Variants in ABCB1 observed in about 807,000 individuals in gnomAD.
ABCB1 encodes ATP-dependent translocase ABCB1.
Under a neutral mutation model 142.0 loss-of-function variants are expected in ABCB1, and 69 were observed. The observed-to-expected ratio is 0.49, with a 90% CI of 0.40 to 0.59. The LOEUF is 0.59. Among genes scored for constraint, ABCB1 ranks in the 20% least tolerant of loss-of-function variants. The pLI is 0.00. For synonymous variants in ABCB1, 532 were observed against 539.2 expected (o/e 0.99, Z 0.18); for missense variants, 1,326 against 1,554.7 (o/e 0.85, Z 2.47).
chr7:87,585,568 T>A lies in ABCB1; in HGVS notation c.230A>T (p.Asp77Val). ...TAAATTTCCTGCATTTGCAAAGATA[T>A]CTGTCATTTCTCCAAACACCAGCAT... ...LMMLVFGEMT[D>V]IFANAGNLED... is the part of the protein sequence containing the mutation. The change falls in exon 4 of 28, where the codon GAT becomes GTT. Residue 77 changes from aspartate (D) to valine (V), a missense_variant. By Grantham distance (152) the Asp-to-Val change is radical (BLOSUM62 -3). Coordinates refer to ENST00000622132, the MANE Select transcript of ABCB1 (RefSeq NM_001348946.2). The A allele has an allele frequency of 3.1e-6, 5 of 1,613,994 alleles. No homozygotes were observed. The South Asian group carries it at 5.5e-5, about 18-fold the overall frequency.
intron 4 of ABCB1, among the ~76,000 whole-genome samples, chr7:87,580,216 T>C (rs1245908801): frequency 4.6e-5 from 7 of 152,224 alleles, no homozygotes; most frequent in Non-Finnish European, 1.0e-4. Flanking sequence ...CCCTTTAGCA[T>C]TTCTTGTCTA....
At chr7:87,673,500 A>G (rs1826034151) in intron 1 of ABCB1, among the ~76,000 whole-genome samples, 1 of 152,204 alleles carries the variant, frequency 6.6e-6, no homozygotes, top group South Asian at 2.1e-4. Context: ...AGTTTGGTCG[A>G]ATCTGCTATT....
At chr7:87,664,084 G>T (rs1480297096) in intron 1 of ABCB1, among the ~76,000 whole-genome samples, 3 of 152,042 alleles carry the variant, frequency 2.0e-5, no homozygotes, top group African/African-American at 7.2e-5. Context: ...TGTAGCTATT[G>T]GCTTACATGT....
intron 7 of ABCB1, among the ~76,000 whole-genome samples, chr7:87,562,978 G>C (rs1257377733): frequency 6.6e-6 from 1 of 152,108 alleles, no homozygotes; most frequent in African/African-American, 2.4e-5. Context: ...ACACAACACA[G>C]TCATGATGCA....
Position 87,522,256 on chromosome 7 carries a change from A to G in ABCB1, c.2686-1380T>C, listed in dbSNP as rs151027266. On this transcript the variant is annotated intron_variant, in intron 21 of 27. Transcript: ENST00000622132. ...TGTAATGATTTTGGCAATTACAACAATTAGTTTTACATTTTGGACCCATGA... is the reference window on the plus strand; with the variant it reads ...TGTAATGATTTTGGCAATTACAACAGTTAGTTTTACATTTTGGACCCATGA... 255 of 966,282 alleles carry G rather than the reference A, an allele frequency of 2.6e-4. 2 individuals carry two copies. In the African/African-American group the frequency reaches 3.6e-3, roughly 14 times the overall value. 59.9% of individuals were successfully genotyped at this position (966,282 alleles called of 1,614,324 possible).
intron 1 of ABCB1, among the ~76,000 whole-genome samples, chr7:87,629,825 G>A (rs1821018153): frequency 6.6e-6 from 1 of 151,514 alleles, no homozygotes; most frequent in Admixed American, 6.6e-5. Context: ...ACTCGGGAGG[G>A]TGAGGCAGGA....
intron 23 of ABCB1, chr7:87,518,833 C>A (rs952893608): frequency 4.4e-5 from 7 of 157,976 alleles, no homozygotes; most frequent in Non-Finnish European, 8.4e-5. Context: ...GCAGAAAAAT[C>A]CCAATATAAC....
intron 1 of ABCB1, among the ~76,000 whole-genome samples, chr7:87,696,728 G>A (rs1448339983): frequency 6.6e-6 from 1 of 152,166 alleles, no homozygotes; most frequent in Non-Finnish European, 1.5e-5. Context: ...TTGTAGAGCA[G>A]ATAAATGTGT....
intron 1 of ABCB1, chr7:87,628,578 TGCGTGC>T (rs1465283233): frequency 3.0e-4 from 89 of 299,326 alleles, no homozygotes; most frequent in African/African-American, 2.5e-3. Flanking sequence ...AGGTGGTGCG[TGCGTGC>T]GTGTGTGTGT....
At chr7:87,618,641 G>C (rs1351422395) in intron 1 of ABCB1, among the ~76,000 whole-genome samples, 2 of 152,070 alleles carry the variant, frequency 1.3e-5, no homozygotes, top group Non-Finnish European at 2.9e-5. Flanking sequence ...TGGCTCCCTG[G>C]TATTACTCCT....
At chr7:87,705,590 C>T (rs1395782402) in intron 1 of ABCB1, among the ~76,000 whole-genome samples, 1 of 152,114 alleles carries the variant, frequency 6.6e-6, no homozygotes, top group Non-Finnish European at 1.5e-5. Flanking sequence ...GTCTTCAGTA[C>T]TTTTGCAGCT....
At chr7:87,706,139 A>AT (rs1420711173) in intron 1 of ABCB1, among the ~76,000 whole-genome samples, 2 of 152,214 alleles carry the variant, frequency 1.3e-5, no homozygotes, top group Non-Finnish European at 2.9e-5. Context: ...TGCTAGTTAC[A>AT]TCAGCCATCC....
chr7:87,628,634 G>A, intron 1 of ABCB1: 1 of 363,992 alleles, frequency 2.7e-6, no homozygotes, highest in Non-Finnish European at 4.8e-6. Context: ...TGGAGCTCGG[G>A]TGCCAAGGGC....
chr7:87,706,781 C>T (rs1563149986), intron 1 of ABCB1, among the ~76,000 whole-genome samples: 1 of 152,126 alleles, frequency 6.6e-6, no homozygotes, highest in Non-Finnish European at 1.5e-5. Context: ...GACAAATGTG[C>T]CTGGAGTTGT....
chr7:87,612,610 A>G (rs1196538313), intron 1 of ABCB1, among the ~76,000 whole-genome samples: 3 of 152,032 alleles, frequency 2.0e-5, no homozygotes, highest in African/African-American at 4.8e-5. Flanking sequence ...ATTCTGTTCT[A>G]TTGGTCTATA....
In ABCB1 at chr7:87,544,203, C is replaced by T. The variant is rs1286029307; in HGVS notation, c.2137G>A (p.Val713Ile). The T allele has an allele frequency of 3.1e-6, 5 of 1,613,768 alleles. No individual in the cohort carries two copies. The highest frequency in any genetic ancestry group is 4.2e-6 in the Non-Finnish European group (5 of 1,179,902). The change falls in exon 17 of 28, where the codon GTT (valine) becomes ATT (isoleucine). Residue 713 changes from valine (V) to isoleucine (I), a missense_variant. Val to Ile is a conservative substitution (Grantham distance 29). Coordinates refer to ENST00000622132, the MANE Select transcript of ABCB1 (RefSeq NM_001348946.2). Reference sequence around the variant, plus strand: ...TTTATAATGGCACAAAATACACCAACAACAAAATAAGGCCATTCAGTTAAA... The same window carrying T: ...TTTATAATGGCACAAAATACACCAATAACAAAATAAGGCCATTCAGTTAAA... ...LNLTEWPYFV[V>I]GVFCAIINGG...
chr7:87,595,948 G>T, intron 2 of ABCB1, 134 bp from the exon 3 acceptor site: 1 of 694,392 alleles, frequency 1.4e-6, no homozygotes, highest in Non-Finnish European at 2.5e-6. Flanking sequence ...TTAAAAAACA[G>T]GATGATAATA....
In ABCB1 at chr7:87,515,411, A is replaced by G; in HGVS notation, c.3102T>C (p.Asn1034=). The part of the protein sequence containing the change: ...EGLMPNTLEG[N]VTFGEVVFNY... ...TGAATACAACTTCACCAAATGTGACATTTCCTTCCAATGTGTTCTGCAATG... is the reference window on the plus strand; with the variant it reads ...TGAATACAACTTCACCAAATGTGACGTTTCCTTCCAATGTGTTCTGCAATG... The change falls in exon 25 of 28, where the codon AAT becomes AAC. Residue 1034 remains asparagine, a synonymous_variant. Coordinates refer to ENST00000622132, the MANE Select transcript of ABCB1 (RefSeq NM_001348946.2). 1 of 1,614,124 alleles carries G rather than the reference A, an allele frequency of 6.2e-7. No homozygotes were observed. Among genetic ancestry groups the G allele is most frequent in the Non-Finnish European group, 8.5e-7 (1 of 1,180,000 alleles).
At chr7:87,583,873 T>C (rs1290167946) in intron 4 of ABCB1, among the ~76,000 whole-genome samples, 4 of 152,204 alleles carry the variant, frequency 2.6e-5, no homozygotes, top group Non-Finnish European at 4.4e-5. Flanking sequence ...CCATTAGGCC[T>C]GCTGAGCCAC....
Sources: gnomAD v4.1 joint callset for allele counts (sites outside exome capture counted in the v4.1 genomes callset) on GRCh38, gnomAD v4.1.1 for gene constraint, MANE v1.5 for transcripts, NCBI Gene and HGNC (gene_info 2026-07-23, HGNC 2026-07-21) for gene names.